Variants in DUSP29 observed in about 807,000 individuals in gnomAD.
The protein encoded by DUSP29 is dual specificity phosphatase 29.
Under a neutral mutation model 13.5 loss-of-function variants are expected in DUSP29, and 12 were observed. The ratio of observed to expected loss-of-function variants is 0.89; its 90% CI spans 0.57 to 1.44. The LOEUF (loss-of-function observed/expected upper bound fraction) is 1.44. Ranked by LOEUF, DUSP29 falls within the 40% of genes most tolerant of loss-of-function variation. The pLI is 0.00. For missense variants in DUSP29, 308 were observed against 301.1 expected, an observed-to-expected ratio of 1.02 and a Z score of -0.17; for synonymous variants, 134 against 128.7, an observed-to-expected ratio of 1.04 and a Z score of -0.28.
rs748670159 is a variant in DUSP29 at position 75,038,074 on chromosome 10, T to C, written c.425A>G (p.Lys142Arg). 1 of 1,612,192 alleles carries C rather than the reference T, an allele frequency of 6.2e-7. No homozygotes were observed. Among genetic ancestry groups the C allele is most frequent in the Non-Finnish European group, 8.5e-7 (1 of 1,179,092 alleles). The change falls in exon 4 of 4, where the codon AAG becomes AGG. Residue 142 changes from lysine to arginine, a missense_variant. By Grantham distance (26) the Lys-to-Arg change is conservative. Transcript: ENST00000338487. Reference sequence around the variant, plus strand: ...GCCCATGACGCAGTGAACCAGGATCTTACCTGCAGATGGAGCAGGGAGGAG... The same window carrying C: ...GCCCATGACGCAGTGAACCAGGATCCTACCTGCAGATGGAGCAGGGAGGAG... ...IDRALSDDHS[K>R]ILVHCVMGRS...
At chr10:75,048,906 T>TTC (rs1490119689) in intron 2 of DUSP29, among the ~76,000 whole-genome samples, 1 of 152,224 alleles carries the variant, frequency 6.6e-6, no homozygotes, top group Non-Finnish European at 1.5e-5. Context: ...GTGGCAGAAC[T>TTC]GCTGGGAGCC....
intron 1 of DUSP29, among the ~76,000 whole-genome samples, chr10:75,065,005 G>A (rs1488526719): frequency 2.0e-5 from 3 of 152,002 alleles, no homozygotes; most frequent in African/African-American, 4.8e-5. Flanking sequence ...TCTATTTTGC[G>A]ATTTCTACCC....
In DUSP29 at chr10:75,037,952, C is replaced by T. The variant is rs752825863; in HGVS notation, c.547G>A (p.Val183Ile). 21 of 1,613,816 alleles carry T rather than the reference C, an allele frequency of 1.3e-5. No individual in the cohort carries two copies. Among genetic ancestry groups the T allele is most frequent in the South Asian group, 2.2e-5 (2 of 91,082 alleles). ...TTCAAAAAGCCCCGGTTCGGGAGGA[C>T]GCAGCGGTTCTTGGCCACTTGCTGG... Reference protein sequence around the residue: ...AIQQVAKNRCVLPNRGFLKQL... With the variant: ...AIQQVAKNRCILPNRGFLKQL... The change falls in exon 4 of 4, where the codon GTC becomes ATC. Residue 183 changes from valine to isoleucine, a missense_variant. By Grantham distance (29) the Val-to-Ile change is conservative. Transcript: ENST00000338487.
At chr10:75,047,059 T>C (rs1846722323) in intron 2 of DUSP29, among the ~76,000 whole-genome samples, 1 of 152,084 alleles carries the variant, frequency 6.6e-6, no homozygotes, top group Admixed American at 6.5e-5. Context: ...GCCTGACACC[T>C]CCATATCCAC....
At chr10:75,073,149 T>C (rs1262004442) in intron 1 of DUSP29, among the ~76,000 whole-genome samples, 1 of 152,146 alleles carries the variant, frequency 6.6e-6, no homozygotes, top group Non-Finnish European at 1.5e-5. Flanking sequence ...AGTACTTTCT[T>C]GTCTTTGATG....
chr10:75,069,782 C>T (rs1333241490), intron 1 of DUSP29, among the ~76,000 whole-genome samples: 1 of 152,014 alleles, frequency 6.6e-6, no homozygotes, highest in Non-Finnish European at 1.5e-5. Context: ...TGGTTCACAC[C>T]TGTAATCCCA....
intron 2 of DUSP29, among the ~76,000 whole-genome samples, chr10:75,044,628 T>C (rs1467863831): frequency 6.6e-6 from 1 of 152,178 alleles, no homozygotes; most frequent in Admixed American, 6.5e-5. Context: ...GTTGTTTGAA[T>C]TGATTGCAGG....
At position 75,043,783 on chromosome 10, in the gene DUSP29, C is replaced by T. The variant is rs1275024504; in HGVS notation, c.421+14G>A. On this transcript the variant is annotated intron_variant, in intron 3 of 3. Transcript: ENST00000338487. ...GGGGCGGGGCCGATCGGGGCGGGGCCGCGGGTCTCTTACTGTGGTCGTCGC... is the reference window on the plus strand; with the variant it reads ...GGGGCGGGGCCGATCGGGGCGGGGCTGCGGGTCTCTTACTGTGGTCGTCGC... The T allele has an allele frequency of 6.2e-7, 1 of 1,606,612 alleles. No individual in the cohort carries two copies.
chr10:75,043,824 TGAAG>T lies in DUSP29; in HGVS notation c.390_393del (p.Phe131SerfsTer5). The T allele has an allele frequency of 6.2e-7, 1 of 1,613,632 alleles. No individual in the cohort carries two copies. The highest frequency in any genetic ancestry group is 8.5e-7 in the Non-Finnish European group (1 of 1,179,880). On this transcript the variant is annotated frameshift_variant, in exon 3 of 4. Transcript: ENST00000338487. LOFTEE classifies it high-confidence loss of function. ...TGGTCGTCGCTTAGCGCTCTGTCGA[TGAAG>T]GCTGCCGCCGGGTAGAAGAAGACAC...
intron 3 of DUSP29, 89 bp downstream of exon 3, chr10:75,043,707 GC>G (rs1846634504): frequency 2.5e-6 from 3 of 1,207,364 alleles, no homozygotes; most frequent in Non-Finnish European, 3.5e-6. Context: ...CCTTAGTGGG[GC>G]GGGGAAGGGG....
chr10:75,052,481 G>A (rs966602475), intron 2 of DUSP29, among the ~76,000 whole-genome samples: 1 of 151,686 alleles, frequency 6.6e-6, no homozygotes, highest in Non-Finnish European at 1.5e-5. Flanking sequence ...TAATTTTTTT[G>A]TATTTTTAGT....
intron 2 of DUSP29, among the ~76,000 whole-genome samples, chr10:75,046,331 G>A (rs922346103): frequency 3.9e-5 from 6 of 152,126 alleles, no homozygotes; most frequent in African/African-American, 7.2e-5. Flanking sequence ...GTCTGGAGCC[G>A]TACCAGTAAG....
At chr10:75,070,074 GAA>G (rs1847294319) in intron 1 of DUSP29, among the ~76,000 whole-genome samples, 1 of 296 alleles carries the variant, frequency 3.4e-3, no homozygotes, top group Non-Finnish European at 6.8e-3. Context: ...AAGAAGAAAG[GAA>G]GGAAGGAAGG....
rs183825697 is a variant in DUSP29, at chr10:75,060,640, T to G, written c.-34-2092A>C. Reference sequence around the variant, plus strand: ...TACGGGAAATGTTCTTTTATAGAAGTATTCCAGATAATGAATAAAGAAGGA... The same window carrying G: ...TACGGGAAATGTTCTTTTATAGAAGGATTCCAGATAATGAATAAAGAAGGA... On this transcript the variant is annotated intron_variant, in intron 1 of 3. Transcript: ENST00000338487. 8.5e-5 allele frequency among the ~76,000 whole-genome samples: 13 copies of G among 152,326 alleles called. No homozygotes were observed. In the East Asian group the frequency reaches 1.9e-3, roughly 23 times the overall value.
intron 3 of DUSP29, 93 bp downstream of exon 3, chr10:75,043,704 G>A (rs927062176): frequency 8.4e-7 from 1 of 1,187,178 alleles, no homozygotes. Context: ...GAGCCTTAGT[G>A]GGGCGGGGAA....
intron 1 of DUSP29, among the ~76,000 whole-genome samples, chr10:75,064,713 C>T (rs1031649037): frequency 1.3e-5 from 2 of 151,876 alleles, no homozygotes; most frequent in Non-Finnish European, 2.9e-5. Context: ...TTCCTTTGCC[C>T]AAGTAGGAAA....
intron 2 of DUSP29, among the ~76,000 whole-genome samples, chr10:75,046,187 C>T (rs763426334): frequency 8.6e-5 from 13 of 151,916 alleles, no homozygotes; most frequent in Non-Finnish European, 1.6e-4. Context: ...ATCCTGGATG[C>T]TAGGATCTGT....
intron 1 of DUSP29, among the ~76,000 whole-genome samples, chr10:75,068,222 GA>G (rs879734857): frequency 3.9e-5 from 6 of 152,122 alleles, no homozygotes; most frequent in Admixed American, 2.6e-4. Context: ...TGTAATCCCA[GA>G]GCTTTAAGAG....
chr10:75,043,526 G>A (rs1196976772), intron 3 of DUSP29, among the ~76,000 whole-genome samples: 2 of 152,220 alleles, frequency 1.3e-5, no homozygotes, highest in Non-Finnish European at 2.9e-5. Context: ...GGGTGGTGCA[G>A]GTCCTTAAAC....
Sources: allele counts gnomAD v4.1 joint callset (sites outside exome capture counted in the v4.1 genomes callset), GRCh38; gene constraint gnomAD v4.1.1; transcripts MANE v1.5; gene names NCBI Gene and HGNC (gene_info 2026-07-23, HGNC 2026-07-21).